Variants in FAF1 observed in about 807,000 individuals in gnomAD.
FAF1 encodes the protein FAS-associated factor 1.
In FAF1, 25 loss-of-function variants were observed where a neutral mutation model predicts 92.5. The observed-to-expected ratio is 0.27, with a 90% CI of 0.20 to 0.38. The LOEUF is 0.38. FAF1 is among the 10% of genes least tolerant of loss of function. The pLI is 1.00. For synonymous variants in FAF1, 234 were observed against 273.2 expected (o/e 0.86, Z 1.42); for missense variants, 636 against 793.3 (o/e 0.80, Z 2.38).
rs1403349128 is a variant in FAF1, at chr1:50,814,188, T to C, written c.115-12511A>G. Among the ~76,000 whole-genome samples the C allele has an allele frequency of 3.9e-5, 6 of 152,190 alleles. No individual in the cohort carries two copies. The East Asian group carries it at 1.2e-3, about 29-fold the overall frequency. On this transcript the variant is annotated intron_variant, in intron 2 of 18. Transcript: ENST00000396153. The stretch of plus-strand genomic sequence containing the variant: ...CCAATAAGGGAAGACAACTCTATAC[T>C]AATATGCATAGCTGCATATAAGGCA...
chr1:50,663,683 G>A (rs1054105284), intron 7 of FAF1, among the ~76,000 whole-genome samples: 3 of 151,392 alleles, frequency 2.0e-5, no homozygotes, highest in Admixed American at 1.3e-4. Flanking sequence ...GATTACTGGC[G>A]TGAGCCACCG....
intron 1 of FAF1, among the ~76,000 whole-genome samples, chr1:50,921,612 G>A (rs1414852520): frequency 6.6e-6 from 1 of 151,574 alleles, no homozygotes; most frequent in Admixed American, 6.6e-5. Context: ...AAATACAACA[G>A]TTAGGAATGG....
chr1:50,857,888 T>A, intron 2 of FAF1, 41 bp downstream of exon 2: 2 of 1,259,466 alleles, frequency 1.6e-6, no homozygotes, highest in Non-Finnish European at 2.3e-6. Flanking sequence ...CAAGAATTCA[T>A]AAAATTTGAT....
intron 15 of FAF1, among the ~76,000 whole-genome samples, chr1:50,524,214 C>T (rs999806910): frequency 1.3e-5 from 2 of 152,128 alleles, no homozygotes; most frequent in Non-Finnish European, 2.9e-5. Context: ...AGTGTCTGTT[C>T]GTGCCCTTTG....
intron 6 of FAF1, among the ~76,000 whole-genome samples, chr1:50,710,035 G>C (rs1231309381): frequency 6.6e-6 from 1 of 152,176 alleles, no homozygotes; most frequent in Non-Finnish European, 1.5e-5. Flanking sequence ...AAAGGTTTCT[G>C]ACAGAGAAAA....
At chr1:50,596,330 T>C (rs1651813994) in intron 8 of FAF1, 114 bp from the exon 9 acceptor site, 7 of 738,472 alleles carry the variant, frequency 9.5e-6, no homozygotes, top group Admixed American at 2.5e-5. Context: ...AAGCTAACTC[T>C]AGTATCCTGG....
intron 1 of FAF1, among the ~76,000 whole-genome samples, chr1:50,935,628 G>A (rs1017489982): frequency 4.0e-5 from 6 of 151,574 alleles, no homozygotes; most frequent in African/African-American, 4.8e-5. Flanking sequence ...CCACCACCAC[G>A]CCCCCAGCTA....
chr1:50,694,109 ACAG>A (rs1392455018), intron 7 of FAF1, among the ~76,000 whole-genome samples: 2 of 152,210 alleles, frequency 1.3e-5, no homozygotes, highest in African/African-American at 4.8e-5. Flanking sequence ...CAGCAAAAAA[ACAG>A]CAGCCTTTAA....
At chr1:50,647,304 T>G (rs1654641260) in intron 8 of FAF1, among the ~76,000 whole-genome samples, 1 of 152,224 alleles carries the variant, frequency 6.6e-6, no homozygotes, top group African/African-American at 2.4e-5. Context: ...ACTGATACAC[T>G]GCTAAATGTT....
chr1:50,706,344 A>C (rs964652579), intron 6 of FAF1, among the ~76,000 whole-genome samples: 1 of 152,226 alleles, frequency 6.6e-6, no homozygotes, highest in Non-Finnish European at 1.5e-5. Context: ...CAAAATTCAG[A>C]AGATATTGAA....
chr1:50,945,179 G>T (rs1645164283), intron 1 of FAF1, among the ~76,000 whole-genome samples: 1 of 152,166 alleles, frequency 6.6e-6, no homozygotes, highest in South Asian at 2.1e-4. Flanking sequence ...GATAAAAGGT[G>T]CACTACTGTT....
chr1:50,697,960 T>C (rs535125318), intron 7 of FAF1, among the ~76,000 whole-genome samples: 1 of 152,246 alleles, frequency 6.6e-6, no homozygotes, highest in African/African-American at 2.4e-5. Flanking sequence ...CAAGACACAT[T>C]AGACAAAAGA....
chr1:50,577,635 T>C (rs916725708), intron 12 of FAF1, among the ~76,000 whole-genome samples: 1 of 152,344 alleles, frequency 6.6e-6, no homozygotes, highest in Non-Finnish European at 1.5e-5. Flanking sequence ...ACTATATGGA[T>C]TGTTTATATT....
At chr1:50,518,447 T>C (rs951643432) in intron 15 of FAF1, among the ~76,000 whole-genome samples, 17 of 151,880 alleles carry the variant, frequency 1.1e-4, no homozygotes, top group East Asian at 7.7e-4. Context: ...TTCTTTCTTT[T>C]TTTTTTTTTT....
rs543538332 is a variant in FAF1, at chr1:50,718,145, AAGTAGCTGGGATTACAGGCACCCG to A, written c.552-12278_552-12255del. Among the ~76,000 whole-genome samples the A allele has an allele frequency of 2.5e-4, 38 of 152,018 alleles. No individual in the cohort carries two copies. The South Asian group carries it at 7.9e-3, about 32-fold the overall frequency. Reference sequence around the variant, plus strand: ...AGCGATTCTCCTGCTTCAGCCTCCCAAGTAGCTGGGATTACAGGCACCCGAGTAGCTGGGATTACCACGCTCAGC... The same window carrying A: ...AGCGATTCTCCTGCTTCAGCCTCCCAAGTAGCTGGGATTACCACGCTCAGC... On this transcript the variant is annotated intron_variant, in intron 6 of 18. Transcript: ENST00000396153.
intron 1 of FAF1, among the ~76,000 whole-genome samples, chr1:50,923,918 T>C (rs1162969897): frequency 2.0e-5 from 3 of 152,148 alleles, no homozygotes; most frequent in African/African-American, 7.2e-5. Flanking sequence ...AGAAGAAACA[T>C]AACTCAATGT....
intron 1 of FAF1, among the ~76,000 whole-genome samples, chr1:50,951,574 AT>A (rs1247516205): frequency 1.3e-5 from 2 of 152,226 alleles, no homozygotes; most frequent in African/African-American, 4.8e-5. Context: ...AGTGGTCTGA[AT>A]CCAAAGTCCA....
chr1:50,763,788 C>T (rs948140115), intron 4 of FAF1, among the ~76,000 whole-genome samples: 2 of 152,034 alleles, frequency 1.3e-5, no homozygotes, highest in Non-Finnish European at 2.9e-5. Context: ...TCCAAATGAC[C>T]AATGGATTTT....
In FAF1 at chr1:50,929,347, A is replaced by C. The variant is rs554121281; in HGVS notation, c.45+30420T>G. On this transcript the variant is annotated intron_variant, in intron 1 of 18. Transcript: ENST00000396153. The stretch of plus-strand genomic sequence containing the variant: ...AGTTCTACATTGAGTACTAGTATAT[A>C]AATTTTATCCTGGATAGTTTTAAAA... Among the ~76,000 whole-genome samples, 8 of 152,284 alleles carry C rather than the reference A, an allele frequency of 5.3e-5. No individual in the cohort carries two copies. In the South Asian group the frequency reaches 1.2e-3, roughly 24 times the overall value.
Sources: allele counts gnomAD v4.1 joint callset (sites outside exome capture counted in the v4.1 genomes callset), GRCh38; gene constraint gnomAD v4.1.1; transcripts MANE v1.5; gene names NCBI Gene and HGNC (gene_info 2026-07-23, HGNC 2026-07-21).